The following USH2A variants were observed in gnomAD, a reference collection of about 807,000 sequenced individuals.
The protein encoded by USH2A is Usher syndrome 2A (autosomal recessive, mild).
A neutral mutation model predicts 538.9 loss-of-function variants in USH2A; 443 were observed. The observed-to-expected ratio is 0.82, with a 90% CI of 0.76 to 0.89. USH2A has a LOEUF of 0.89. Among genes scored for constraint, USH2A ranks in the 40% least tolerant of loss-of-function variants. The pLI is 0.00. For missense variants in USH2A, 6,633 were observed against 6,324.8 expected, an observed-to-expected ratio of 1.05 and a Z score of -1.65; for synonymous variants, 2,413 against 2,273.5, an observed-to-expected ratio of 1.06 and a Z score of -1.75.
rs143218330 is a variant in USH2A, at chr1:216,097,143, C to T, written c.4698G>A (p.Gln1566=). 2.0e-4 allele frequency: 330 copies of T among 1,614,154 alleles called. No homozygotes were observed. The African/African-American group carries it at 3.9e-3, about 19-fold the overall frequency. Residue 1566 remains glutamine, a synonymous_variant, in exon 22 of 72, where the codon CAG becomes CAA. Transcript: ENST00000307340. ...TCAACTGAAGTGCAAAATACTCTTC[C>T]TGATTGCCAGGTGATGCTGCAAAGA... ...LIVFAASPGN[Q]EEYFALQLKK...
At chr1:215,705,802 A>T (rs1443423141) in intron 61 of USH2A, among the ~76,000 whole-genome samples, 1 of 152,220 alleles carries the variant, frequency 6.6e-6, no homozygotes, top group African/African-American at 2.4e-5. Context: ...TTCACAAATG[A>T]TATTTTAAGG....
intron 64 of USH2A, among the ~76,000 whole-genome samples, chr1:215,656,984 T>A (rs1657274474): frequency 6.6e-6 from 1 of 152,250 alleles, no homozygotes; most frequent in African/African-American, 2.4e-5. Context: ...CCTAGGGGCA[T>A]GTAATGAGAT....
At position 216,422,536 on chromosome 1, in the gene USH2A, G is replaced by A; in HGVS notation, c.-200C>T. On this transcript the variant is annotated 5_prime_UTR_variant, in exon 2 of 72. Transcript: ENST00000307340. Reference sequence around the variant, plus strand: ...AATGGCGAAGACATGAGTAGCTGCTGGTATCTGGGAATCAAAAACGTAGGG... The same window carrying A: ...AATGGCGAAGACATGAGTAGCTGCTAGTATCTGGGAATCAAAAACGTAGGG... The A allele has an allele frequency of 3.0e-6, 2 of 663,462 alleles. No homozygotes were observed. The highest frequency in any genetic ancestry group is 4.9e-6 in the Non-Finnish European group (2 of 405,430). 41.1% of individuals were successfully genotyped at this position (663,462 alleles called of 1,614,324 possible).
rs369008440 is a variant in USH2A, at chr1:216,170,288, C to T, written c.4627+4964G>A. On this transcript the variant is annotated intron_variant, in intron 21 of 71. Transcript: ENST00000307340. ...CATCCCTTGGTAATTAATTGCATTT[C>T]GTATTCTAAAGCATTTTAGTTCAAC... Among the ~76,000 whole-genome samples, 22 of 151,826 alleles carry T rather than the reference C, an allele frequency of 1.4e-4. No homozygotes were observed. The East Asian group carries it at 3.7e-3, about 25-fold the overall frequency.
chr1:216,093,703 C>T (rs1192663144), intron 22 of USH2A, among the ~76,000 whole-genome samples: 2 of 152,130 alleles, frequency 1.3e-5, no homozygotes, highest in East Asian at 3.9e-4. Context: ...CAATGACTGT[C>T]CCATGTTTGG....
intron 19 of USH2A, among the ~76,000 whole-genome samples, chr1:216,196,209 A>AGT (rs1474777306): frequency 6.6e-6 from 1 of 152,136 alleles, no homozygotes; most frequent in Non-Finnish European, 1.5e-5. Context: ...ATATCAACTG[A>AGT]GTGTGGACTG....
intron 21 of USH2A, chr1:216,174,753 A>G: frequency 1.0e-6 from 1 of 995,496 alleles, no homozygotes; most frequent in Non-Finnish European, 1.2e-6. Context: ...AGTGAAAAAA[A>G]GAAGAAGGAA....
chr1:216,373,105 C>T (rs1033068023), intron 3 of USH2A, among the ~76,000 whole-genome samples: 13 of 152,222 alleles, frequency 8.5e-5, no homozygotes, highest in African/African-American at 2.9e-4. Flanking sequence ...GAAAATGGTC[C>T]TGTTGTTTGA....
At chr1:216,039,520 T>C (rs953593677) in intron 32 of USH2A, among the ~76,000 whole-genome samples, 1 of 151,988 alleles carries the variant, frequency 6.6e-6, no homozygotes, top group African/African-American at 2.4e-5. Flanking sequence ...AACACAGGCG[T>C]GTTAACAGCA....
chr1:215,878,096 C>T (rs1311377887), intron 42 of USH2A, among the ~76,000 whole-genome samples: 2 of 151,952 alleles, frequency 1.3e-5, no homozygotes, highest in South Asian at 2.1e-4. Context: ...CAGTTACATT[C>T]GCATTTTACT....
At chr1:216,137,364 G>A (rs1203886203) in intron 21 of USH2A, among the ~76,000 whole-genome samples, 1 of 152,122 alleles carries the variant, frequency 6.6e-6, no homozygotes, top group Non-Finnish European at 1.5e-5. Flanking sequence ...GGAGGTGAAA[G>A]GCACTTCTTA....
At position 215,674,325 on chromosome 1, in the gene USH2A, G is replaced by A. The variant is rs754560573; in HGVS notation, c.13586C>T (p.Pro4529Leu). The change falls in exon 63 of 72, where the codon CCC becomes CTC. Residue 4529 changes from proline (P) to leucine (L), a missense_variant. Physicochemically the swap from Pro to Leu is moderately conservative, Grantham distance 98 (BLOSUM62 -3). Transcript: ENST00000307340. ...LSPLVKDRTS[P>L]SAPSGMEPPK... is the part of the protein sequence containing the mutation. The stretch of plus-strand genomic sequence containing the variant: ...AGGTTCCATCCCTGAGGGTGCTGAG[G>A]GGCTGGTTCGATCTTTGACAAGAGG... 5.6e-6 allele frequency: 9 copies of A among 1,613,806 alleles called. No homozygotes were observed. The highest frequency in any genetic ancestry group is 1.6e-4 in the Middle Eastern group (1 of 6,082).
intron 30 of USH2A, among the ~76,000 whole-genome samples, chr1:216,067,694 T>C (rs1225857866): frequency 6.6e-6 from 1 of 152,104 alleles, no homozygotes; most frequent in Non-Finnish European, 1.5e-5. Context: ...CAAATTGTAT[T>C]GACTGGGTGG....
At chr1:216,113,960 T>C (rs1241563615) in intron 21 of USH2A, among the ~76,000 whole-genome samples, 1 of 151,726 alleles carries the variant, frequency 6.6e-6, no homozygotes, top group Non-Finnish European at 1.5e-5. Context: ...CAGTTTTCTT[T>C]CTTACTTACA....
chr1:216,249,279 T>TG (rs1266845604), intron 12 of USH2A, among the ~76,000 whole-genome samples: 2 of 152,096 alleles, frequency 1.3e-5, no homozygotes, highest in Non-Finnish European at 2.9e-5. Flanking sequence ...GAAAACCATC[T>TG]GGATCAATCA....
intron 3 of USH2A, among the ~76,000 whole-genome samples, chr1:216,392,317 T>G (rs1275402402): frequency 6.6e-6 from 1 of 151,696 alleles, no homozygotes; most frequent in African/African-American, 2.4e-5. Context: ...ACTAACACGG[T>G]GAAACCCTGT....
chr1:216,190,472 T>C, intron 19 of USH2A, 105 bp from the exon 20 acceptor site: 1 of 1,477,320 alleles, frequency 6.8e-7, no homozygotes, highest in South Asian at 1.2e-5. Flanking sequence ...CAGAGGGAAT[T>C]ATTGCCAACC....
intron 49 of USH2A, 125 bp downstream of exon 49, chr1:215,813,611 G>T: frequency 9.1e-7 from 1 of 1,102,202 alleles, no homozygotes; most frequent in Non-Finnish European, 1.4e-6. Context: ...GCAGGCCATT[G>T]GCTATGTGTT....
chr1:216,240,013 C>CAAAAAAAAAA (rs55691066), intron 13 of USH2A, among the ~76,000 whole-genome samples: 12 of 112,280 alleles, frequency 1.1e-4, no homozygotes, highest in African/African-American at 2.0e-4. Context: ...ATGAAATAAA[C>CAAAAAAAAAA]AAAAAAAAAA....
Sources: allele counts gnomAD v4.1 joint callset (sites outside exome capture counted in the v4.1 genomes callset), GRCh38; gene constraint gnomAD v4.1.1; transcripts MANE v1.5; gene names NCBI Gene and HGNC (gene_info 2026-07-23, HGNC 2026-07-21).